Variants in CEP63 observed in about 807,000 individuals in gnomAD.
The protein encoded by CEP63 is centrosomal protein of 63 kDa.
Under a neutral mutation model 89.1 loss-of-function variants are expected in CEP63, and 84 were observed. The ratio of observed to expected loss-of-function variants is 0.94; its 90% CI spans 0.79 to 1.13. The LOEUF (loss-of-function observed/expected upper bound fraction) is 1.13. Ranked by LOEUF, CEP63 falls within the 50% of genes most tolerant of loss-of-function variation. The pLI is 0.00. For missense variants in CEP63, 838 were observed against 813.3 expected (o/e 1.03, Z -0.37); for synonymous variants, 267 against 272.5 (o/e 0.98, Z 0.20).
At chr3:134,723,416 A>T in the CEP63 span, among the ~76,000 whole-genome samples, 1 of 152,204 alleles carries the variant, frequency 6.6e-6, no homozygotes, top group African/African-American at 2.4e-5. Context: ...AAGGATAAGA[A>T]ATACGTGTAA....
chr3:134,769,196 C>T, the CEP63 span, among the ~76,000 whole-genome samples: 21,157 of 152,142 alleles, frequency 0.14, 1,598 homozygotes, highest in Middle Eastern at 0.18. Flanking sequence ...CTGAGCCATT[C>T]GGTGATTCTG....
At chr3:134,570,219 A>G (rs1018774864) in intron 11 of CEP63, among the ~76,000 whole-genome samples, 3 of 151,598 alleles carry the variant, frequency 2.0e-5, no homozygotes, top group Admixed American at 6.6e-5. Context: ...CTCATTACTT[A>G]TGCAAATTTC....
chr3:134,638,382 A>AGGCT, the CEP63 span, among the ~76,000 whole-genome samples: 1 of 152,198 alleles, frequency 6.6e-6, no homozygotes, highest in South Asian at 2.1e-4. Flanking sequence ...CTAAACCCTA[A>AGGCT]GTACAGCCTA....
At chr3:134,775,903 G>A in the CEP63 span, among the ~76,000 whole-genome samples, 14 of 152,076 alleles carry the variant, frequency 9.2e-5, 1 homozygote, top group African/African-American at 3.1e-4. Context: ...GGGGCTTCCC[G>A]CTTTCTTTCT....
At chr3:134,619,064 G>T in the CEP63 span, 1 of 1,119,506 alleles carries the variant, frequency 8.9e-7, no homozygotes, top group Non-Finnish European at 1.4e-6. Context: ...TTCAGGCCTG[G>T]CATGTGGGCA....
At chr3:134,717,085 C>G in the CEP63 span, among the ~76,000 whole-genome samples, 1 of 152,202 alleles carries the variant, frequency 6.6e-6, no homozygotes, top group Admixed American at 6.5e-5. Context: ...TGGAGCAACA[C>G]AGGAGCTGGT....
At chr3:134,490,098 C>T (rs1357987702) in intron 1 of CEP63, among the ~76,000 whole-genome samples, 1 of 151,978 alleles carries the variant, frequency 6.6e-6, no homozygotes, top group East Asian at 1.9e-4. Flanking sequence ...CACAGTCTTA[C>T]CTAGGTGGGA....
At chr3:134,631,985 A>G in the CEP63 span, among the ~76,000 whole-genome samples, 1 of 152,132 alleles carries the variant, frequency 6.6e-6, no homozygotes, top group Admixed American at 6.5e-5. Context: ...TGAAAAGATA[A>G]CAGAAAGCTG....
chr3:134,561,317 G>A (rs935811562), intron 14 of CEP63, 60 bp from the exon 15 acceptor site: 8 of 1,438,068 alleles, frequency 5.6e-6, no homozygotes, highest in East Asian at 2.3e-5. Flanking sequence ...CATGAACAGT[G>A]TATCTTAGAA....
At chr3:134,565,598 A>C (rs1957722074), downstream of CEP63, among the ~76,000 whole-genome samples, 1 of 152,146 alleles carries the variant, frequency 6.6e-6, no homozygotes, top group South Asian at 2.1e-4. Context: ...AAATGCATCA[A>C]AAAGTAACAA....
the CEP63 span, chr3:134,651,292 G>C: frequency 2.5e-4 from 292 of 1,188,360 alleles, no homozygotes; most frequent in Middle Eastern, 5.0e-3. Context: ...CCTCCCGCCC[G>C]GTGCACTTGA....
chr3:134,656,705 C>T, the CEP63 span, among the ~76,000 whole-genome samples: 45 of 152,192 alleles, frequency 3.0e-4, 1 homozygote, highest in African/African-American at 9.9e-4. Context: ...GGGAACTGGG[C>T]TCAGATGGAG....
rs1290050050 is a variant in CEP63, at chr3:134,563,110, C to T, written c.*1575C>T. 1 of 152,218 alleles carries T rather than the reference C, an allele frequency of 6.6e-6. No homozygotes were observed. Among genetic ancestry groups the T allele is most frequent in the Non-Finnish European group, 1.5e-5 (1 of 68,036 alleles). The allele number at this position is 152,218 out of a possible 1,614,324, so 9.4% of individuals were successfully genotyped here. A position where few individuals can be genotyped will look rare whatever the true frequency, so the allele number is the denominator to read the frequency against. The stretch of plus-strand genomic sequence containing the variant: ...CTTTATTCTCCCTCTTGCTAAGATT[C>T]CATATCAGGACATAGCATTATGTTT... On this transcript the variant is annotated 3_prime_UTR_variant, in exon 15 of 15. Transcript: ENST00000675561.
the CEP63 span, among the ~76,000 whole-genome samples, chr3:134,707,532 G>A: frequency 1.3e-5 from 2 of 152,060 alleles, no homozygotes; most frequent in South Asian, 4.2e-4. Context: ...ATATTTCATT[G>A]GAATCAGCTC....
chr3:134,490,182 T>A (rs923383690), intron 1 of CEP63, among the ~76,000 whole-genome samples: 1 of 151,928 alleles, frequency 6.6e-6, no homozygotes, highest in African/African-American at 2.4e-5. Context: ...TATTATATAT[T>A]AAAAAAAACA....
intron 10 of CEP63, among the ~76,000 whole-genome samples, chr3:134,580,736 T>C (rs1958326570): frequency 3.3e-5 from 5 of 152,202 alleles, no homozygotes; most frequent in Admixed American, 3.3e-4. Context: ...CTCATATGAA[T>C]TCAAGGTTGA....
At chr3:134,498,838 G>T (rs930576157) in intron 2 of CEP63, among the ~76,000 whole-genome samples, 1 of 152,182 alleles carries the variant, frequency 6.6e-6, no homozygotes, top group African/African-American at 2.4e-5. Flanking sequence ...CTGTTGATGT[G>T]ATGTATCACT....
chr3:134,757,270 C>A, the CEP63 span, among the ~76,000 whole-genome samples: 1 of 152,156 alleles, frequency 6.6e-6, no homozygotes, highest in South Asian at 2.1e-4. Context: ...AGGAAAGAAT[C>A]AGGGTTTTGT....
At chr3:134,630,660 A>G in the CEP63 span, among the ~76,000 whole-genome samples, 1 of 152,214 alleles carries the variant, frequency 6.6e-6, no homozygotes, top group Admixed American at 6.5e-5. Context: ...GGGGTAGATT[A>G]AGGCCCAGGT....
Sources: gnomAD v4.1 joint callset for allele counts (sites outside exome capture counted in the v4.1 genomes callset) on GRCh38, gnomAD v4.1.1 for gene constraint, MANE v1.5 for transcripts, NCBI Gene and HGNC (gene_info 2026-07-23, HGNC 2026-07-21) for gene names.